Variants in GOLGA2 observed in about 807,000 individuals in gnomAD.
The protein encoded by GOLGA2 is golgin A2.
Under a neutral mutation model 148.8 loss-of-function variants are expected in GOLGA2, and 49 were observed. The ratio of observed to expected loss-of-function variants is 0.33; its 90% CI spans 0.26 to 0.42. The LOEUF is 0.42. GOLGA2 is among the 10% of genes least tolerant of loss of function. GOLGA2 has a pLI of 1.00. For synonymous variants in GOLGA2, 501 were observed against 511.8 expected, an observed-to-expected ratio of 0.98 and a Z score of 0.28; for missense variants, 1,178 against 1,304.6, an observed-to-expected ratio of 0.90 and a Z score of 1.49.
At chr9:128,272,008 G>A (rs1432883550) in intron 3 of GOLGA2, among the ~76,000 whole-genome samples, 1 of 141,524 alleles carries the variant, frequency 7.1e-6, no homozygotes, top group Non-Finnish European at 1.5e-5. Flanking sequence ...TTAACCCTTT[G>A]TTCCCTACTC....
chr9:128,258,685 G>C lies in GOLGA2; in HGVS notation c.2174-115C>G, dbSNP rs1302755504. The C allele has an allele frequency of 1.4e-6, 1 of 723,340 alleles. No homozygotes were observed. The highest frequency in any genetic ancestry group is 2.7e-5 in the East Asian group (1 of 36,870). The allele number at this position is 723,340 out of a possible 1,614,324, so 44.8% of individuals were successfully genotyped here. On this transcript the variant is annotated intron_variant, in intron 21 of 26. Transcript: ENST00000611957. This position sits in a 1 kb window ranked among gnomAD's most constrained non-coding sequence, Gnocchi z 6.6. ...CCAGCCCCTCCCCAGAGGGAAATAA[G>C]CATCTGTTCTTTATTTTTATTTTAT...
At position 128,258,415 on chromosome 9, in the gene GOLGA2, A is replaced by AGGGAGGCAGCAAAGGTTGGGGAGG; in HGVS notation, c.2289+16_2289+39dup. On this transcript the variant is annotated intron_variant, in intron 22 of 26. Coordinates refer to ENST00000611957, the MANE Select transcript of GOLGA2 (RefSeq NM_001366244.2). This position sits in a 1 kb window ranked among gnomAD's most constrained non-coding sequence, Gnocchi z 6.6. ...GAAGGGGGTCTGGGAGGGACCACAG[A>AGGGAGGCAGCAAAGGTTGGGGAGG]GGGAGGCAGCAAAGGTTGGGGAGGG... 1 of 1,549,468 alleles carries AGGGAGGCAGCAAAGGTTGGGGAGG rather than the reference A, an allele frequency of 6.5e-7. No individual in the cohort carries two copies. Among genetic ancestry groups the AGGGAGGCAGCAAAGGTTGGGGAGG allele is most frequent in the Non-Finnish European group, 8.9e-7 (1 of 1,122,256 alleles).
rs1292262272 is a variant in GOLGA2 at position 128,266,514 on chromosome 9, G to C, written c.643-189C>G. The C allele has an allele frequency of 4.9e-6, 3 of 611,482 alleles. No homozygotes were observed. The highest frequency in any genetic ancestry group is 8.7e-6 in the Non-Finnish European group (3 of 345,864). The allele number at this position is 611,482 out of a possible 1,614,324, so 37.9% of individuals were successfully genotyped here. A position where few individuals can be genotyped will look rare whatever the true frequency, so the allele number is the denominator to read the frequency against. ...GGGATTTGTGTCTTTGTTGGTTTTTGCCCACAGCCACAGAACTGAAAGTCT... is the reference window on the plus strand; with the variant it reads ...GGGATTTGTGTCTTTGTTGGTTTTTCCCCACAGCCACAGAACTGAAAGTCT... On this transcript the variant is annotated intron_variant, in intron 8 of 26. Coordinates refer to ENST00000611957, the MANE Select transcript of GOLGA2 (RefSeq NM_001366244.2). This position sits in a 1 kb window ranked among gnomAD's most constrained non-coding sequence, Gnocchi z 4.2.
Position 128,266,639 on chromosome 9 carries a change from C to A in GOLGA2, c.643-314G>T. 1 of 494,340 alleles carries A rather than the reference C, an allele frequency of 2.0e-6. No individual in the cohort carries two copies. The allele number at this position is 494,340 out of a possible 1,614,324, so 30.6% of individuals were successfully genotyped here. Reference sequence around the variant, plus strand: ...AGTTTGTGATTTAGAAAGGTGTAATCATTCAACAAACATTTGCTGAGCACA... The same window carrying A: ...AGTTTGTGATTTAGAAAGGTGTAATAATTCAACAAACATTTGCTGAGCACA... On this transcript the variant is annotated intron_variant, in intron 8 of 26. Transcript: ENST00000611957. The surrounding 1 kb of genome is among the most constrained non-coding windows in gnomAD (Gnocchi z 4.2).
At chr9:128,275,734 G>C (rs1321570394) in intron 1 of GOLGA2, among the ~76,000 whole-genome samples, 159 bp downstream of exon 1, 3 of 152,124 alleles carry the variant, frequency 2.0e-5, no homozygotes, top group African/African-American at 7.2e-5. Flanking sequence ...GCGGCTGAGG[G>C]GGCGGGGCTG....
chr9:128,260,383 A>T lies in GOLGA2; in HGVS notation c.1758+82T>A. On this transcript the variant is annotated intron_variant, in intron 18 of 26. Transcript: ENST00000611957. The surrounding 1 kb of genome is among the most constrained non-coding windows in gnomAD (Gnocchi z 4.8). Reference sequence around the variant, plus strand: ...AGAAGTACCATTTCAAGTGAGGGCTACACTGCCCCACTTTACAGGTGGGAA... The same window carrying T: ...AGAAGTACCATTTCAAGTGAGGGCTTCACTGCCCCACTTTACAGGTGGGAA... 8.2e-7 allele frequency: 1 copy of T among 1,217,192 alleles called. No homozygotes were observed. Among genetic ancestry groups the T allele is most frequent in the Non-Finnish European group, 1.2e-6 (1 of 837,462 alleles). The allele number at this position is 1,217,192 out of a possible 1,614,324, so 75.4% of individuals were successfully genotyped here. A position where few individuals can be genotyped will look rare whatever the true frequency, so the allele number is the denominator to read the frequency against.
Position 128,259,028 on chromosome 9 carries a change from G to A in GOLGA2, c.2152C>T (p.Leu718Phe). Residue 718 changes from leucine to phenylalanine, a missense_variant, in exon 21 of 27, where the codon CTC becomes TTC. This residue lies in a region of GOLGA2 where 529 missense variants were observed against 521.8 expected (regional missense o/e 1.01). Transcript: ENST00000611957. Reference protein sequence around the residue: ...QNQQLRAQLSLMAHPGEGDGL... With the variant: ...QNQQLRAQLSFMAHPGEGDGL... Reference sequence around the variant, plus strand: ...GTACCTTCCCCAGGGTGAGCCATGAGGCTCAACTGGGCCCGTAGCTGCTGA... The same window carrying A: ...GTACCTTCCCCAGGGTGAGCCATGAAGCTCAACTGGGCCCGTAGCTGCTGA... The A allele has an allele frequency of 6.2e-7, 1 of 1,607,678 alleles. No individual in the cohort carries two copies. Among genetic ancestry groups the A allele is most frequent in the South Asian group, 1.1e-5 (1 of 91,010 alleles).
At chr9:128,263,399 C>T (rs992716360) in intron 12 of GOLGA2, among the ~76,000 whole-genome samples, 2 of 152,106 alleles carry the variant, frequency 1.3e-5, no homozygotes, top group African/African-American at 2.4e-5. Flanking sequence ...TATAGGCGTG[C>T]ACCACCATGT....
chr9:128,267,438 C>CACG lies in GOLGA2; in HGVS notation c.561+17_561+19dup. On this transcript the variant is annotated intron_variant, in intron 7 of 26. Coordinates refer to ENST00000611957, the MANE Select transcript of GOLGA2 (RefSeq NM_001366244.2). The stretch of plus-strand genomic sequence containing the variant: ...GGGCTGGCCTGCAGGGTCACTGGGC[C>CACG]ACGGCCCAGGGCCTCTTACCTCCAG... The CACG allele has an allele frequency of 1.2e-6, 2 of 1,606,138 alleles. No homozygotes were observed. The highest frequency in any genetic ancestry group is 1.7e-6 in the Non-Finnish European group (2 of 1,172,866).
Position 128,265,642 on chromosome 9 carries a change from C to A in GOLGA2, c.876G>T (p.Val292=), listed in dbSNP as rs142548792. The change falls in exon 12 of 27, where the codon GTG becomes GTT. Residue 292 remains valine (V), a synonymous_variant. Transcript: ENST00000611957. ...CAGAGAGAGCCCGCTCCAACTCTCC[C>A]ACACGCCGCCGGGAATACTGCAGGC... ...ASRLQYSRRR[V]GELERALSAV... is the part of the protein sequence containing the mutation. 1.0e-4 allele frequency: 166 copies of A among 1,613,950 alleles called. No individual in the cohort carries two copies. The African/African-American group carries it at 1.8e-3, about 18-fold the overall frequency.
In GOLGA2 at chr9:128,266,023, A is replaced by G. The variant is rs779898484; in HGVS notation, c.682-3T>C. 6.2e-7 allele frequency: 1 copy of G among 1,611,882 alleles called. No individual in the cohort carries two copies. The highest frequency in any genetic ancestry group is 1.1e-5 in the South Asian group (1 of 91,026). On this transcript the variant is annotated splice_polypyrimidine_tract_variant and splice_region_variant and intron_variant, in intron 9 of 26. Transcript: ENST00000611957. This position sits in a 1 kb window ranked among gnomAD's most constrained non-coding sequence, Gnocchi z 4.2. Reference sequence around the variant, plus strand: ...TTTTGGTGGCATTCTTTCTTTTCCTATAGGAAGAGGAAGACAGAGCTCTTA... The same window carrying G: ...TTTTGGTGGCATTCTTTCTTTTCCTGTAGGAAGAGGAAGACAGAGCTCTTA...
chr9:128,267,137 G>C, intron 8 of GOLGA2, 57 bp downstream of exon 8: 1 of 1,181,078 alleles, frequency 8.5e-7, no homozygotes, highest in Non-Finnish European at 1.3e-6. Flanking sequence ...GGTCCCAAGG[G>C]GAAACTGGAG....
At position 128,271,217 on chromosome 9, in the gene GOLGA2, C is replaced by T. The variant is rs894905756; in HGVS notation, c.288+1568G>A. 6.6e-6 allele frequency among the ~76,000 whole-genome samples: 1 copy of T among 152,170 alleles called. No individual in the cohort carries two copies. The highest frequency in any genetic ancestry group is 1.5e-5 in the Non-Finnish European group (1 of 68,030). On this transcript the variant is annotated intron_variant, in intron 3 of 26. Transcript: ENST00000611957. This position sits in a 1 kb window ranked among gnomAD's most constrained non-coding sequence, Gnocchi z 4.4. The stretch of plus-strand genomic sequence containing the variant: ...CCAAATGCTTTTGGCTGCAGGTCAC[C>T]TCTAAGCCTGTGCTCCCCAGCCGTA...
chr9:128,257,026 C>A lies in GOLGA2; in HGVS notation c.*41G>T. On this transcript the variant is annotated 3_prime_UTR_variant, in exon 27 of 27. Coordinates refer to ENST00000611957, the MANE Select transcript of GOLGA2 (RefSeq NM_001366244.2). This position sits in a 1 kb window ranked among gnomAD's most constrained non-coding sequence, Gnocchi z 8.0. ...TAGGGATATGGTGGGGGCAGGGTAT[C>A]CAGCCCCACTTCTTCAGGCTTTGCT... The A allele has an allele frequency of 6.8e-7, 1 of 1,466,768 alleles. No individual in the cohort carries two copies. Among genetic ancestry groups the A allele is most frequent in the South Asian group, 1.2e-5 (1 of 84,214 alleles). The allele number at this position is 1,466,768 out of a possible 1,614,324, so 90.9% of individuals were successfully genotyped here. A position where few individuals can be genotyped will look rare whatever the true frequency, so the allele number is the denominator to read the frequency against.
chr9:128,258,321 G>T lies in GOLGA2; in HGVS notation c.2290-123C>A, dbSNP rs901796385. 5 of 1,129,326 alleles carry T rather than the reference G, an allele frequency of 4.4e-6. No individual in the cohort carries two copies. Among genetic ancestry groups the T allele is most frequent in the Non-Finnish European group, 6.5e-6 (5 of 765,274 alleles). 70.0% of individuals were successfully genotyped at this position (1,129,326 alleles called of 1,614,324 possible). On this transcript the variant is annotated intron_variant, in intron 22 of 26. Transcript: ENST00000611957. This position sits in a 1 kb window ranked among gnomAD's most constrained non-coding sequence, Gnocchi z 6.6. Reference sequence around the variant, plus strand: ...ACTTGTTGGTCCCAAGTGAAATGGTGTCTCACCACTGGCTCCCAGGAAAGG... The same window carrying T: ...ACTTGTTGGTCCCAAGTGAAATGGTTTCTCACCACTGGCTCCCAGGAAAGG...
Position 128,265,993 on chromosome 9 carries a change from C to T in GOLGA2, c.709G>A (p.Gly237Arg). The change falls in exon 10 of 27, where the codon GGA (glycine) becomes AGA (arginine). Residue 237 changes from glycine (G) to arginine (R), a missense_variant. Physicochemically the swap from Gly to Arg is moderately radical, Grantham distance 125. This residue lies in a region of GOLGA2 where 304 missense variants were observed against 404.1 expected (regional missense o/e 0.75). Coordinates refer to ENST00000611957, the MANE Select transcript of GOLGA2 (RefSeq NM_001366244.2). ...ACCTGTAACTGCTCCCTTAGGGCTC[C>T]CTGCTTTTGGTGGCATTCTTTCTTT... Reference protein sequence around the residue: ...EEKKECHQKQGALREQLQVHI... With the variant: ...EEKKECHQKQRALREQLQVHI... 6.2e-7 allele frequency: 1 copy of T among 1,613,642 alleles called. No homozygotes were observed. The highest frequency in any genetic ancestry group is 1.1e-5 in the South Asian group (1 of 91,080).
intron 12 of GOLGA2, among the ~76,000 whole-genome samples, chr9:128,265,224 C>A (rs1401640691): frequency 6.6e-6 from 1 of 152,234 alleles, no homozygotes; most frequent in East Asian, 1.9e-4. Context: ...CACATACACA[C>A]ACACGTTCCC....
At chr9:128,270,351 C>T (rs761609738) in intron 3 of GOLGA2, among the ~76,000 whole-genome samples, 14 of 151,986 alleles carry the variant, frequency 9.2e-5, no homozygotes, top group Non-Finnish European at 1.6e-4. Context: ...AGGCTGCTCT[C>T]GAACTCCTGA....
At chr9:128,263,113 A>G (rs1830376290) in intron 12 of GOLGA2, 21 bp from the exon 13 acceptor site, 1 of 1,564,804 alleles carries the variant, frequency 6.4e-7, no homozygotes, top group African/African-American at 1.3e-5. Context: ...AGAAAGGTTA[A>G]GTCAGGATAT....
Sources: gnomAD v4.1 joint callset for allele counts (sites outside exome capture counted in the v4.1 genomes callset) on GRCh38, gnomAD v4.1.1 for gene constraint, gnomAD v4.1.1 regional missense constraint, Gnocchi (gnomAD v3.1) non-coding constraint, MANE v1.5 for transcripts, NCBI Gene and HGNC (gene_info 2026-07-23, HGNC 2026-07-21) for gene names.